The following ATAD2 variants were observed in gnomAD, a reference collection of about 807,000 sequenced individuals.
ATAD2 encodes the protein ATPase family AAA domain containing 2.
ATAD2 carries 62 observed loss-of-function variants against 168.9 expected under a neutral mutation model. That is an observed-to-expected ratio of 0.37 (90% CI 0.30 to 0.45). The LOEUF (loss-of-function observed/expected upper bound fraction) is 0.45, where lower values mean the gene tolerates loss of function less well. Ranked by LOEUF, ATAD2 falls within the 20% of genes least tolerant of loss-of-function variation. The pLI, the probability that ATAD2 is intolerant of heterozygous loss-of-function variation, is 1.00. For synonymous variants in ATAD2, 613 were observed against 571.6 expected (o/e 1.07, Z -1.03); for missense variants, 1,419 against 1,667.8 (o/e 0.85, Z 2.60).
intron 1 of ATAD2, among the ~76,000 whole-genome samples, chr8:123,390,261 G>A (rs1829790832): frequency 6.6e-6 from 1 of 151,884 alleles, no homozygotes; most frequent in African/African-American, 2.4e-5. Flanking sequence ...AGGATTACAG[G>A]CATGAGCCAC....
chr8:123,332,701 T>C (rs1000911759), intron 24 of ATAD2, among the ~76,000 whole-genome samples: 1 of 152,180 alleles, frequency 6.6e-6, no homozygotes, highest in Non-Finnish European at 1.5e-5. Flanking sequence ...TGACTTTTAA[T>C]GGCAAAACCA....
chr8:123,390,260 G>A (rs1829790744), intron 1 of ATAD2, among the ~76,000 whole-genome samples: 1 of 151,918 alleles, frequency 6.6e-6, no homozygotes, highest in Non-Finnish European at 1.5e-5. Flanking sequence ...TAGGATTACA[G>A]GCATGAGCCA....
chr8:123,372,673 G>A lies in ATAD2; in HGVS notation c.334C>T (p.Gln112Ter). ...GRHFTRQLAR[Q>*]QADKKKEEHR... Reference sequence around the variant, plus strand: ...TCTTCTTTTTTTTTATCAGCCTGCTGTCTGGCCAACTGCCTATATTTTAAA... The same window carrying A: ...TCTTCTTTTTTTTTATCAGCCTGCTATCTGGCCAACTGCCTATATTTTAAA... Residue 112 changes from glutamine to a stop codon, truncating the protein, a stop_gained, in exon 3 of 28, where the codon CAG becomes TAG. Coordinates refer to ENST00000287394, the MANE Select transcript of ATAD2 (RefSeq NM_014109.4). LOFTEE classifies it high-confidence loss of function. 1 of 1,587,936 alleles carries A rather than the reference G, an allele frequency of 6.3e-7. No homozygotes were observed. The highest frequency in any genetic ancestry group is 1.2e-5 in the South Asian group (1 of 85,892).
chr8:123,323,315 T>A (rs1827525286), intron 26 of ATAD2, among the ~76,000 whole-genome samples: 1 of 152,230 alleles, frequency 6.6e-6, no homozygotes, highest in African/African-American at 2.4e-5. Flanking sequence ...ATTCTAAGTC[T>A]AGCCATAAGC....
intron 14 of ATAD2, 97 bp downstream of exon 14, chr8:123,349,188 C>T (rs1828366281): frequency 4.7e-6 from 6 of 1,269,080 alleles, no homozygotes; most frequent in East Asian, 2.4e-5. Context: ...GACCATGATA[C>T]AAAACTCAAG....
intron 8 of ATAD2, among the ~76,000 whole-genome samples, chr8:123,363,408 T>C (rs1013479839): frequency 6.6e-5 from 10 of 152,212 alleles, no homozygotes; most frequent in African/African-American, 2.4e-4. Flanking sequence ...ACTACATATG[T>C]TGTGTGTTAT....
chr8:123,340,948 T>C (rs549078148), intron 19 of ATAD2, among the ~76,000 whole-genome samples: 3 of 138,176 alleles, frequency 2.2e-5, no homozygotes, highest in East Asian at 4.0e-4. Flanking sequence ...AAGTTTTGTC[T>C]TTTTTTTTTT....
intron 19 of ATAD2, chr8:123,344,374 G>A (rs1159235228): frequency 7.4e-6 from 1 of 135,446 alleles, no homozygotes; most frequent in Admixed American, 7.7e-5. Context: ...TTGAGACAGA[G>A]TCTCGCTCTG....
At chr8:123,349,942 G>C (rs1195645538) in intron 13 of ATAD2, among the ~76,000 whole-genome samples, 1 of 151,178 alleles carries the variant, frequency 6.6e-6, no homozygotes, top group African/African-American at 2.4e-5. Flanking sequence ...TACTTGGGAA[G>C]CTGAGGTTGT....
intron 24 of ATAD2, among the ~76,000 whole-genome samples, chr8:123,329,417 G>A (rs1827709621): frequency 6.6e-6 from 1 of 152,102 alleles, no homozygotes; most frequent in East Asian, 1.9e-4. Context: ...ACTGCATCAA[G>A]CATATACTAG....
At chr8:123,338,123 G>A (rs1250720652) in intron 20 of ATAD2, among the ~76,000 whole-genome samples, 1 of 152,130 alleles carries the variant, frequency 6.6e-6, no homozygotes, top group African/African-American at 2.4e-5. Flanking sequence ...TTGGGAGGCC[G>A]AGGTGGGTGG....
rs201479961 is a variant in ATAD2, at chr8:123,333,875, T to C, written c.3478+3A>G. The C allele has an allele frequency of 3.3e-4, 537 of 1,609,740 alleles. No individual in the cohort carries two copies. Among genetic ancestry groups the C allele is most frequent in the Non-Finnish European group, 4.2e-4 (493 of 1,177,782 alleles). On this transcript the variant is annotated splice_donor_region_variant and intron_variant, in intron 24 of 27. Coordinates refer to ENST00000287394, the MANE Select transcript of ATAD2 (RefSeq NM_014109.4). The stretch of plus-strand genomic sequence containing the variant: ...CATAAATGAAAACTACTTGAGTACT[T>C]ACCAGGAGTGCTGCAAGCCACAGGA...
chr8:123,409,177 C>G (rs1447296157), intron 1 of ATAD2, among the ~76,000 whole-genome samples: 2 of 152,028 alleles, frequency 1.3e-5, no homozygotes, highest in East Asian at 1.9e-4. Flanking sequence ...TGACCTCTCC[C>G]GAACATACAT....
chr8:123,369,770 T>C (rs1276481725), intron 7 of ATAD2, 51 bp downstream of exon 7: 9 of 1,429,018 alleles, frequency 6.3e-6, no homozygotes, highest in East Asian at 2.3e-5. Flanking sequence ...AAACAGGAAA[T>C]ATAAAGCTAA....
intron 9 of ATAD2, among the ~76,000 whole-genome samples, chr8:123,360,947 A>G (rs1828799465): frequency 6.6e-6 from 1 of 151,980 alleles, no homozygotes; most frequent in African/African-American, 2.4e-5. Flanking sequence ...CAAAAAAAAA[A>G]AAAAAATACA....
Position 123,371,456 on chromosome 8 carries a change from A to C in ATAD2, c.537-118T>G, listed in dbSNP as rs1829145499. On this transcript the variant is annotated intron_variant, in intron 4 of 27. Coordinates refer to ENST00000287394, the MANE Select transcript of ATAD2 (RefSeq NM_014109.4). ...CTAAGGTTTTAAATATTTTTATAAGAAGCATTGATTTACTTGTATAAAAAT... is the reference window on the plus strand; with the variant it reads ...CTAAGGTTTTAAATATTTTTATAAGCAGCATTGATTTACTTGTATAAAAAT... 3.4e-6 allele frequency: 3 copies of C among 875,174 alleles called. No individual in the cohort carries two copies. In the Admixed American group the frequency reaches 9.8e-5, roughly 29 times the overall value. The allele number at this position is 875,174 out of a possible 1,614,324, so 54.2% of individuals were successfully genotyped here.
intron 2 of ATAD2, among the ~76,000 whole-genome samples, chr8:123,377,090 T>TAAAAAAAAA (rs1297063054): frequency 1.6e-3 from 1 of 622 alleles, no homozygotes; most frequent in African/African-American, 4.3e-3. Context: ...AGACTCCGTC[T>TAAAAAAAAA]CAAAAAAAAA....
chr8:123,399,933 G>A (rs1812975133), upstream of ATAD2, among the ~76,000 whole-genome samples: 1 of 152,176 alleles, frequency 6.6e-6, no homozygotes, highest in Non-Finnish European at 1.5e-5. Context: ...GGAGGGCGAG[G>A]CAGGCAGATT....
chr8:123,387,884 T>C (rs1829690062), intron 1 of ATAD2, among the ~76,000 whole-genome samples: 1 of 152,198 alleles, frequency 6.6e-6, no homozygotes, highest in Non-Finnish European at 1.5e-5. Flanking sequence ...GGGAGGTCAG[T>C]TGTTTGAGTC....
Sources: gnomAD v4.1 joint callset for allele counts (sites outside exome capture counted in the v4.1 genomes callset) on GRCh38, gnomAD v4.1.1 for gene constraint, MANE v1.5 for transcripts, NCBI Gene and HGNC (gene_info 2026-07-23, HGNC 2026-07-21) for gene names.